NOSTRIN: variants seen among roughly 807,000 people sequenced by gnomAD.
NOSTRIN encodes BM247 homolog.
NOSTRIN carries 63 observed loss-of-function variants against 59.0 expected under a neutral mutation model. The observed-to-expected ratio is 1.07, with a 90% CI of 0.87 to 1.32. The LOEUF (loss-of-function observed/expected upper bound fraction) is 1.32. Ranked by LOEUF, NOSTRIN falls within the 40% of genes most tolerant of loss-of-function variation. NOSTRIN has a pLI of 0.00. For missense variants in NOSTRIN, 512 were observed against 473.1 expected (o/e 1.08, Z -0.76); for synonymous variants, 200 against 165.4 (o/e 1.21, Z -1.61).
intron 14 of NOSTRIN, among the ~76,000 whole-genome samples, chr2:168,861,296 G>A (rs1689431069): frequency 6.6e-6 from 1 of 152,100 alleles, no homozygotes; most frequent in African/African-American, 2.4e-5. Context: ...TGATCCAGGT[G>A]GTTTGCCAGG....
At chr2:168,798,347 T>G (rs925563516), upstream of NOSTRIN, 5 of 152,224 alleles carry the variant, frequency 3.3e-5, no homozygotes, top group African/African-American at 1.2e-4. Context: ...AAGGCAAGTT[T>G]TGAATTGCCA....
Position 168,865,129 on chromosome 2 carries a change from A to T in NOSTRIN, c.*159A>T. The T allele has an allele frequency of 2.6e-6, 2 of 765,512 alleles. No individual in the cohort carries two copies. Among genetic ancestry groups the T allele is most frequent in the Middle Eastern group, 3.1e-4 (1 of 3,216 alleles). The allele number at this position is 765,512 out of a possible 1,614,324, so 47.4% of individuals were successfully genotyped here. A position where few individuals can be genotyped will look rare whatever the true frequency, so the allele number is the denominator to read the frequency against. On this transcript the variant is annotated 3_prime_UTR_variant, in exon 16 of 16. Coordinates refer to ENST00000317647, the MANE Select transcript of NOSTRIN (RefSeq NM_001039724.4). ...CTTTGCATTCATGATTATTAGCTTG[A>T]AACAGTCAGAAAAAAGATGGATGGG...
At chr2:168,815,413 G>A (rs753594046) in intron 2 of NOSTRIN, among the ~76,000 whole-genome samples, 2 of 152,162 alleles carry the variant, frequency 1.3e-5, no homozygotes, top group African/African-American at 2.4e-5. Context: ...GAAACACTTT[G>A]TGAATGTTTG....
intron 1 of NOSTRIN, chr2:168,787,851 T>A (rs1259114305): frequency 6.7e-6 from 1 of 148,564 alleles, no homozygotes; most frequent in African/African-American, 2.4e-5. Context: ...TTTTTTTTAA[T>A]TTTTTTCAGA....
At chr2:168,800,268 A>G (rs1025532546), upstream of NOSTRIN, among the ~76,000 whole-genome samples, 1 of 152,192 alleles carries the variant, frequency 6.6e-6, no homozygotes, top group African/African-American at 2.4e-5. Flanking sequence ...TAAACTACAG[A>G]TTTGTGAACC....
chr2:168,848,531 T>G (rs1022779012), intron 8 of NOSTRIN, among the ~76,000 whole-genome samples: 1 of 151,570 alleles, frequency 6.6e-6, no homozygotes, highest in Non-Finnish European at 1.5e-5. Context: ...CTACTTTCAT[T>G]TGCAAGCAGT....
intron 1 of NOSTRIN, 106 bp from the exon 2 acceptor site, chr2:168,811,461 G>C (rs1686129315): frequency 5.8e-6 from 3 of 513,516 alleles, no homozygotes; most frequent in Non-Finnish European, 1.0e-5. Context: ...CCTTTATAAT[G>C]ACAGTCATAG....
intron 7 of NOSTRIN, among the ~76,000 whole-genome samples, chr2:168,839,838 A>T (rs975251348): frequency 1.4e-5 from 2 of 140,382 alleles, no homozygotes; most frequent in African/African-American, 5.4e-5. Context: ...GTGAGCTGAG[A>T]TCGCACCACT....
rs371854181 is a variant in NOSTRIN at position 168,824,168 on chromosome 2, C to A, written c.114-466C>A. On this transcript the variant is annotated intron_variant, in intron 2 of 15. Coordinates refer to ENST00000317647, the MANE Select transcript of NOSTRIN (RefSeq NM_001039724.4). ...GGATTATGCTTAAGGACAAAAGGAT[C>A]CTTGTAGTAAACAAATCATCTCTTC... 3.3e-5 allele frequency among the ~76,000 whole-genome samples: 5 copies of A among 152,188 alleles called. No homozygotes were observed. In the South Asian group the frequency reaches 1.0e-3, roughly 31 times the overall value.
chr2:168,859,800 TAAC>T (rs1242082178), intron 13 of NOSTRIN, among the ~76,000 whole-genome samples, 163 bp downstream of exon 13: 4 of 152,164 alleles, frequency 2.6e-5, no homozygotes, highest in Non-Finnish European at 1.5e-5. Context: ...TTGAGCACAA[TAAC>T]AAGAGCTAGA....
At chr2:168,864,569 C>G (rs1319169268) in intron 15 of NOSTRIN, among the ~76,000 whole-genome samples, 5 of 152,158 alleles carry the variant, frequency 3.3e-5, no homozygotes, top group Admixed American at 6.5e-5. Flanking sequence ...ACAGGCGTCA[C>G]CCACCACGCC....
chr2:168,807,440 A>G (rs543177135), intron 1 of NOSTRIN, among the ~76,000 whole-genome samples: 17 of 152,328 alleles, frequency 1.1e-4, no homozygotes, highest in African/African-American at 3.8e-4. Context: ...TAATGAAAAT[A>G]TTCTTAGCAA....
chr2:168,793,769 C>G (rs1574246715), upstream of NOSTRIN, among the ~76,000 whole-genome samples: 1 of 152,168 alleles, frequency 6.6e-6, no homozygotes, highest in Non-Finnish European at 1.5e-5. Flanking sequence ...TCTTCCAAGC[C>G]TCATGAACTA....
chr2:168,862,385 C>CACAAG (rs140740513), intron 15 of NOSTRIN, among the ~76,000 whole-genome samples: 7,120 of 152,252 alleles, frequency 0.047, 250 homozygotes, highest in South Asian at 0.13. Context: ...GCTGTGGCAA[C>CACAAG]ACAAGATTTG....
intron 7 of NOSTRIN, among the ~76,000 whole-genome samples, chr2:168,835,285 G>T (rs1242919024): frequency 6.6e-6 from 1 of 152,004 alleles, no homozygotes; most frequent in Non-Finnish European, 1.5e-5. Flanking sequence ...CACCATGTTG[G>T]CCAGGCTGGT....
chr2:168,856,911 A>C (rs960319342), intron 12 of NOSTRIN, 133 bp downstream of exon 12: 87 of 742,922 alleles, frequency 1.2e-4, no homozygotes, highest in Non-Finnish European at 1.3e-5. Context: ...GGGGGAGCTT[A>C]TAGGGTCAGC....
Position 168,855,566 on chromosome 2 carries a change from T to C in NOSTRIN, c.964+106T>C, listed in dbSNP as rs142123955. The C allele has an allele frequency of 1.1e-3, 370 of 345,302 alleles. 5 individuals carry two copies. The highest frequency in any genetic ancestry group is 7.9e-3 in the African/African-American group (315 of 40,066). The allele number at this position is 345,302 out of a possible 1,614,324, so 21.4% of individuals were successfully genotyped here. ...CTTTTGCTATTTGGCAGGGGTCTTC[T>C]CATTTAAAGAACCATATATCAAACT... On this transcript the variant is annotated intron_variant, in intron 11 of 15. Transcript: ENST00000317647.
rs116841798 is a variant in NOSTRIN at position 168,860,182 on chromosome 2, C to T, written c.1179+545C>T. Among the ~76,000 whole-genome samples the T allele has an allele frequency of 4.9e-3, 741 of 152,252 alleles. 9 individuals carry two copies. In the East Asian group the frequency reaches 0.055, roughly 11 times the overall value. ...TACAGGGTTGTGATCATTTCACTTGCATTAAGCCAACTAAAGTTGTATTTG... is the reference window on the plus strand; with the variant it reads ...TACAGGGTTGTGATCATTTCACTTGTATTAAGCCAACTAAAGTTGTATTTG... On this transcript the variant is annotated intron_variant, in intron 13 of 15. Coordinates refer to ENST00000317647, the MANE Select transcript of NOSTRIN (RefSeq NM_001039724.4).
intron 13 of NOSTRIN, 88 bp from the exon 14 acceptor site, chr2:168,860,707 T>C: frequency 1.2e-6 from 1 of 832,004 alleles, no homozygotes; most frequent in Non-Finnish European, 1.9e-6. Flanking sequence ...AAAAACAACT[T>C]GAGGAAAACA....
Sources: gnomAD v4.1 joint callset for allele counts (sites outside exome capture counted in the v4.1 genomes callset) on GRCh38, gnomAD v4.1.1 for gene constraint, MANE v1.5 for transcripts, NCBI Gene and HGNC (gene_info 2026-07-23, HGNC 2026-07-21) for gene names.